The following IQCH variants were observed in gnomAD, a reference collection of about 807,000 sequenced individuals.
IQCH encodes IQ motif containing H, also known as IQ domain-containing protein H.
A neutral mutation model predicts 117.0 loss-of-function variants in IQCH; 98 were observed. The observed-to-expected ratio is 0.84, with a 90% confidence interval of 0.71 to 0.99. The LOEUF (loss-of-function observed/expected upper bound fraction) is 0.99. Among genes scored for constraint, IQCH ranks in the 50% least tolerant of loss-of-function variants. The pLI, the probability that IQCH is intolerant of heterozygous loss-of-function variation, is 0.00. For missense variants in IQCH, 1,102 were observed against 1,243.8 expected (o/e 0.89, Z 1.72); for synonymous variants, 412 against 448.2 (o/e 0.92, Z 1.02).
In IQCH at chr15:67,407,004, T is replaced by C. The variant is rs1485904705; in HGVS notation, c.2097+6699T>C. The C allele has an allele frequency of 1.3e-5, 2 of 152,256 alleles. No homozygotes were observed. The highest frequency in any genetic ancestry group is 4.8e-5 in the African/African-American group (2 of 41,466). The allele number at this position is 152,256 out of a possible 1,614,324, so 9.4% of individuals were successfully genotyped here. A position where few individuals can be genotyped will look rare whatever the true frequency, so the allele number is the denominator to read the frequency against. Reference sequence around the variant, plus strand: ...ATACAACTTAATCTTTCTTTGGTGATTCAGAAGGTTCTTTAGGCTCTGGTA... The same window carrying C: ...ATACAACTTAATCTTTCTTTGGTGACTCAGAAGGTTCTTTAGGCTCTGGTA... On this transcript the variant is annotated intron_variant, in intron 14 of 20. Transcript: ENST00000335894. The surrounding 1 kb of genome is among the most constrained non-coding windows in gnomAD (Gnocchi z 5.3).
chr15:67,351,482 A>T (rs1969661189), intron 6 of IQCH, among the ~76,000 whole-genome samples: 1 of 152,096 alleles, frequency 6.6e-6, no homozygotes, highest in South Asian at 2.1e-4. Flanking sequence ...GCATTCCTTC[A>T]CGTTTCCTAC....
chr15:67,341,299 C>T (rs1969163353), intron 5 of IQCH, among the ~76,000 whole-genome samples: 2 of 152,164 alleles, frequency 1.3e-5, no homozygotes, highest in Non-Finnish European at 2.9e-5. Flanking sequence ...GAGTTGTTCT[C>T]CTTCCTTGTG....
At chr15:67,270,398 A>G (rs748246332) in intron 3 of IQCH, among the ~76,000 whole-genome samples, 4 of 152,182 alleles carry the variant, frequency 2.6e-5, no homozygotes, top group African/African-American at 4.8e-5. Context: ...TGTTCCTTCT[A>G]TATCCAGTTT....
intron 6 of IQCH, among the ~76,000 whole-genome samples, chr15:67,351,903 A>T (rs1019935970): frequency 2.0e-4 from 31 of 151,546 alleles, no homozygotes; most frequent in African/African-American, 5.8e-4. Flanking sequence ...AGCTGAATTT[A>T]AAAAAAAATC....
chr15:67,319,643 T>C (rs928598340), intron 4 of IQCH, among the ~76,000 whole-genome samples: 1 of 152,250 alleles, frequency 6.6e-6, no homozygotes, highest in East Asian at 1.9e-4. Context: ...AGAGCATTTG[T>C]TGAGTGCTTT....
chr15:67,373,561 A>G (rs773985986), intron 10 of IQCH, 128 bp downstream of exon 10: 61 of 729,808 alleles, frequency 8.4e-5, no homozygotes, highest in Middle Eastern at 4.6e-4. Context: ...TGTTCTCGAC[A>G]TGATGAGAGT....
chr15:67,339,966 TTCTC>T lies in IQCH; in HGVS notation c.508+2875_508+2878del, dbSNP rs939058339. On this transcript the variant is annotated intron_variant, in intron 5 of 20. Coordinates refer to ENST00000335894, the MANE Select transcript of IQCH (RefSeq NM_001031715.3). ...GCAGGACCTATAAATTTGGGTAAATTTCTCTCTTCTAGAAGTCCTCCAAATATCC... is the reference window on the plus strand; with the variant it reads ...GCAGGACCTATAAATTTGGGTAAATTTCTTCTAGAAGTCCTCCAAATATCC... Among the ~76,000 whole-genome samples, 404 of 152,254 alleles carry T rather than the reference TTCTC, an allele frequency of 2.7e-3. 3 individuals are homozygous for T. Among genetic ancestry groups the T allele is most frequent in the African/African-American group, 9.2e-3 (383 of 41,564 alleles).
In IQCH at chr15:67,370,213, A is replaced by G. The variant is rs541426643; in HGVS notation, c.754-1898A>G. Reference sequence around the variant, plus strand: ...TTGTCCCATTTTCATAGATGGTCCTAATTCCACATGTCTCGCTGTGAAGAT... The same window carrying G: ...TTGTCCCATTTTCATAGATGGTCCTGATTCCACATGTCTCGCTGTGAAGAT... On this transcript the variant is annotated intron_variant, in intron 8 of 20. Coordinates refer to ENST00000335894, the MANE Select transcript of IQCH (RefSeq NM_001031715.3). The surrounding 1 kb of genome is among the most constrained non-coding windows in gnomAD (Gnocchi z 5.6). 3.9e-5 allele frequency among the ~76,000 whole-genome samples: 6 copies of G among 152,256 alleles called. No homozygotes were observed. The East Asian group carries it at 1.2e-3, about 29-fold the overall frequency.
At chr15:67,400,491 C>CTTT (rs1555481901) in intron 14 of IQCH, among the ~76,000 whole-genome samples, 186 bp downstream of exon 14, 1 of 115,600 alleles carries the variant, frequency 8.7e-6, no homozygotes, top group African/African-American at 3.2e-5. Context: ...TCTTTTTTTT[C>CTTT]TTTTTTTTTT....
chr15:67,360,150 A>G (rs1469055283), intron 8 of IQCH: 1 of 390,614 alleles, frequency 2.6e-6, no homozygotes, highest in Non-Finnish European at 4.5e-6. Flanking sequence ...GCGTCCTTAA[A>G]ATTTGGCTGA....
At chr15:67,383,972 C>T (rs1333672744) in intron 10 of IQCH, among the ~76,000 whole-genome samples, 1 of 152,060 alleles carries the variant, frequency 6.6e-6, no homozygotes, top group Non-Finnish European at 1.5e-5. Flanking sequence ...TATAGTTTTC[C>T]TTAGGCTGAA....
chr15:67,293,064 C>G (rs562137512), intron 4 of IQCH, among the ~76,000 whole-genome samples: 6 of 152,200 alleles, frequency 3.9e-5, no homozygotes, highest in Non-Finnish European at 5.9e-5. Context: ...ACTAGCTATA[C>G]TTGGGCAAGT....
At chr15:67,314,451 T>A (rs571461287) in intron 4 of IQCH, among the ~76,000 whole-genome samples, 33 of 148,052 alleles carry the variant, frequency 2.2e-4, no homozygotes, top group African/African-American at 5.5e-4. Context: ...AAGATGGGTG[T>A]GTTTCCAAAC....
Position 67,431,566 on chromosome 15 carries a change from G to T in IQCH, c.2505+9989G>T, listed in dbSNP as rs2082019601. ...CTTAATACCTGGGTGATGAAATAAT[G>T]TGTACAACAAACCCCCATGGCACAA... On this transcript the variant is annotated intron_variant, in intron 16 of 20. Coordinates refer to ENST00000335894, the MANE Select transcript of IQCH (RefSeq NM_001031715.3). This position sits in a 1 kb window ranked among gnomAD's most constrained non-coding sequence, Gnocchi z 4.8. Among the ~76,000 whole-genome samples the T allele has an allele frequency of 6.6e-6, 1 of 151,948 alleles. No individual in the cohort carries two copies. Among genetic ancestry groups the T allele is most frequent in the Admixed American group, 6.6e-5 (1 of 15,246 alleles).
chr15:67,321,549 T>C (rs571886987), intron 4 of IQCH, among the ~76,000 whole-genome samples: 2 of 151,184 alleles, frequency 1.3e-5, no homozygotes, highest in African/African-American at 2.4e-5. Context: ...TTCCTTCCTT[T>C]CTTTCCTTTC....
rs556501974 is a variant in IQCH, at chr15:67,443,153, C to G, written c.2505+21576C>G. ...GACTACAGGCGCCCGCCACAGCGCC[C>G]GGCTAATTTTTTGTATTTTTAGTAG... On this transcript the variant is annotated intron_variant, in intron 16 of 20. Coordinates refer to ENST00000335894, the MANE Select transcript of IQCH (RefSeq NM_001031715.3). The surrounding 1 kb of genome is among the most constrained non-coding windows in gnomAD (Gnocchi z 5.0). Among the ~76,000 whole-genome samples, 3 of 152,016 alleles carry G rather than the reference C, an allele frequency of 2.0e-5. No homozygotes were observed.
At chr15:67,329,345 A>C (rs1230001507) in intron 4 of IQCH, among the ~76,000 whole-genome samples, 4 of 152,170 alleles carry the variant, frequency 2.6e-5, no homozygotes, top group Admixed American at 1.3e-4. Flanking sequence ...TTACATGGAA[A>C]AAAACCCATT....
At chr15:67,266,728 G>C (rs1260560244) in intron 3 of IQCH, among the ~76,000 whole-genome samples, 1 of 152,130 alleles carries the variant, frequency 6.6e-6, no homozygotes, top group African/African-American at 2.4e-5. Context: ...ATAGGTATAA[G>C]TCCATAATTT....
At chr15:67,396,567 T>C (rs866052534) in intron 13 of IQCH, among the ~76,000 whole-genome samples, 23 of 152,326 alleles carry the variant, frequency 1.5e-4, no homozygotes, top group African/African-American at 5.3e-4. Context: ...TCTGTTTTCA[T>C]AATAGAGAAA....
Sources: gnomAD v4.1 joint callset for allele counts (sites outside exome capture counted in the v4.1 genomes callset) on GRCh38, gnomAD v4.1.1 for gene constraint, Gnocchi (gnomAD v3.1) non-coding constraint, MANE v1.5 for transcripts, NCBI Gene and HGNC (gene_info 2026-07-23, HGNC 2026-07-21) for gene names.